Variants in ACACB observed in about 807,000 individuals in gnomAD.
ACACB encodes acetyl-CoA carboxylase beta.
Under a neutral mutation model 278.8 loss-of-function variants are expected in ACACB, and 209 were observed. The observed-to-expected ratio is 0.75, with a 90% CI of 0.67 to 0.84. The LOEUF is 0.84. Ranked by LOEUF, ACACB falls within the 40% of genes least tolerant of loss-of-function variation. The probability of loss-of-function intolerance (pLI) is 0.00; values close to 1 mark genes in which losing one functional copy is unlikely to be tolerated. For synonymous variants in ACACB, 1,174 were observed against 1,285.6 expected, an observed-to-expected ratio of 0.91 and a Z score of 1.86; for missense variants, 2,850 against 3,269.0, an observed-to-expected ratio of 0.87 and a Z score of 3.13.
At chr12:109,179,415 T>C in intron 10 of ACACB, 118 bp downstream of exon 10, 1 of 1,037,604 alleles carries the variant, frequency 9.6e-7, no homozygotes, top group Non-Finnish European at 1.4e-6. Flanking sequence ...ACAAGAGGGA[T>C]GAGGGCCCAT....
chr12:109,131,175 A>G (rs1286385952), intron 1 of ACACB, among the ~76,000 whole-genome samples: 6 of 152,230 alleles, frequency 3.9e-5, no homozygotes, highest in Non-Finnish European at 8.8e-5. Flanking sequence ...GGTCAGGAGA[A>G]GGCTGAGTGA....
chr12:109,207,256 C>A (rs2045550201), intron 20 of ACACB, among the ~76,000 whole-genome samples: 1 of 152,072 alleles, frequency 6.6e-6, no homozygotes, highest in Non-Finnish European at 1.5e-5. Context: ...GCACCCAGCC[C>A]CTCGGTTGTG....
intron 47 of ACACB, among the ~76,000 whole-genome samples, chr12:109,259,389 T>TA (rs1224254581): frequency 2.6e-5 from 4 of 151,848 alleles, no homozygotes; most frequent in Non-Finnish European, 5.9e-5. Context: ...CCTGGGGCAG[T>TA]ATAGCAAGAC....
chr12:109,188,304 C>T (rs2044742934), intron 13 of ACACB, 142 bp downstream of exon 13: 1 of 898,890 alleles, frequency 1.1e-6, no homozygotes, highest in African/African-American at 1.7e-5. Context: ...CCCTCTCAGC[C>T]TTTCTCCTTT....
At chr12:109,175,355 T>G (rs925432631) in intron 7 of ACACB, among the ~76,000 whole-genome samples, 2 of 152,184 alleles carry the variant, frequency 1.3e-5, no homozygotes, top group African/African-American at 2.4e-5. Flanking sequence ...AATTGGGATT[T>G]TTTTTTGGAT....
intron 18 of ACACB, among the ~76,000 whole-genome samples, chr12:109,200,928 C>T (rs895457109): frequency 1.3e-5 from 2 of 152,116 alleles, no homozygotes; most frequent in Non-Finnish European, 2.9e-5. Flanking sequence ...GGAGGGGAGC[C>T]ACTTCTGAAG....
intron 11 of ACACB, among the ~76,000 whole-genome samples, chr12:109,185,347 A>AT (rs2044617265): frequency 6.6e-6 from 1 of 152,088 alleles, no homozygotes; most frequent in African/African-American, 2.4e-5. Context: ...TTTCATAAAT[A>AT]TTTTTCCTTT....
In ACACB at chr12:109,262,953, TA is replaced by T. The variant is rs1565985726; in HGVS notation, c.6787+485del. On this transcript the variant is annotated intron_variant, in intron 49 of 52. Transcript: ENST00000338432. ...TTCTAAATCAACCTTTTTAACATTA[TA>T]TATATATATATATATATATATATAT... The T allele has an allele frequency of 2.2e-4, 20 of 91,678 alleles. 1 individual carries two copies. Among genetic ancestry groups the T allele is most frequent in the Middle Eastern group, 4.2e-3 (1 of 240 alleles). The allele number at this position is 91,678 out of a possible 1,614,324, so 5.7% of individuals were successfully genotyped here.
rs776583966 is a variant in ACACB at position 109,265,538 on chromosome 12, C to T, written c.7250+13C>T. The T allele has an allele frequency of 4.3e-6, 7 of 1,611,900 alleles. No homozygotes were observed. The highest frequency in any genetic ancestry group is 1.1e-5 in the South Asian group (1 of 90,942). On this transcript the variant is annotated intron_variant, in intron 52 of 52. Transcript: ENST00000338432. ...AGACCATCCGAGGGTGAGTGGCCACCGCACCTGCTTCCCAGCCTCCTGGCA... is the reference window on the plus strand; with the variant it reads ...AGACCATCCGAGGGTGAGTGGCCACTGCACCTGCTTCCCAGCCTCCTGGCA...
chr12:109,199,840 C>T (rs7314964), intron 18 of ACACB, among the ~76,000 whole-genome samples: 67,462 of 151,658 alleles, frequency 0.44, 16,253 homozygotes, highest in Middle Eastern at 0.65. Context: ...GGTGAAACCC[C>T]GTCTCTACTA....
rs774738657 is a variant in ACACB, at chr12:109,199,450, C to T, written c.2676C>T (p.Asn892=). The change falls in exon 18 of 53, where the codon AAC becomes AAT. Residue 892 remains asparagine, a synonymous_variant. Transcript: ENST00000338432. The part of the protein sequence containing the change: ...GNKTCVFEKE[N]DPTVLRSPSA... ...AGACGTGTGTGTTTGAGAAGGAGAA[C>T]GATCCTACAGTCCTGAGATCCCCCT... 13 of 1,547,428 alleles carry T rather than the reference C, an allele frequency of 8.4e-6. No homozygotes were observed. The highest frequency in any genetic ancestry group is 2.5e-5 in the East Asian group (1 of 39,844).
chr12:109,246,903 T>C (rs1192539743), intron 39 of ACACB, among the ~76,000 whole-genome samples: 3 of 152,092 alleles, frequency 2.0e-5, no homozygotes, highest in Non-Finnish European at 4.4e-5. Context: ...ATAGCCAGAC[T>C]TCGTCTCTAC....
intron 19 of ACACB, among the ~76,000 whole-genome samples, chr12:109,205,758 C>A (rs2045484964): frequency 6.6e-6 from 1 of 151,434 alleles, no homozygotes; most frequent in Non-Finnish European, 1.5e-5. Flanking sequence ...CCGGCCAAGT[C>A]ATCTCTTAAA....
chr12:109,211,767 C>T (rs1296153212), intron 21 of ACACB, among the ~76,000 whole-genome samples: 1 of 152,082 alleles, frequency 6.6e-6, no homozygotes, highest in Non-Finnish European at 1.5e-5. Flanking sequence ...TGAATGTACA[C>T]TTTAAAGGGA....
chr12:109,247,665 C>G lies in ACACB; in HGVS notation c.5631C>G (p.Ser1877=). The change falls in exon 40 of 53, where the codon TCC becomes TCG. Residue 1877 remains serine, a synonymous_variant. Coordinates refer to ENST00000338432, the MANE Select transcript of ACACB (RefSeq NM_001093.4). ...QDYTRISSLN[S]VHCKHIEEGG... ...ACACCAGAATCAGCTCCCTGAACTCCGTCCACTGTAAACACATCGAGGAAG... is the reference window on the plus strand; with the variant it reads ...ACACCAGAATCAGCTCCCTGAACTCGGTCCACTGTAAACACATCGAGGAAG... 1.2e-6 allele frequency: 2 copies of G among 1,613,896 alleles called. No individual in the cohort carries two copies. Among genetic ancestry groups the G allele is most frequent in the South Asian group, 1.1e-5 (1 of 91,084 alleles).
At chr12:109,216,552 A>T (rs1221076027) in intron 22 of ACACB, 66 bp from the exon 23 acceptor site, 1 of 1,498,178 alleles carries the variant, frequency 6.7e-7, no homozygotes, top group Non-Finnish European at 9.2e-7. Context: ...CATAAAAAAA[A>T]ATACTAAATA....
intron 9 of ACACB, among the ~76,000 whole-genome samples, chr12:109,177,453 C>T (rs2044316020): frequency 6.6e-6 from 1 of 152,148 alleles, no homozygotes; most frequent in African/African-American, 2.4e-5. Flanking sequence ...CATATCAGTA[C>T]ATTGCTTTCT....
At chr12:109,189,125 G>A (rs976828772) in intron 13 of ACACB, among the ~76,000 whole-genome samples, 1 of 152,192 alleles carries the variant, frequency 6.6e-6, no homozygotes, top group Non-Finnish European at 1.5e-5. Context: ...TGACATGGGT[G>A]TGGAAAGGTA....
intron 22 of ACACB, 71 bp downstream of exon 22, chr12:109,213,007 C>G: frequency 7.2e-7 from 1 of 1,380,744 alleles, no homozygotes; most frequent in Non-Finnish European, 1.0e-6. Flanking sequence ...CAGGGTGGTG[C>G]TCTGGGGCTG....
Sources: gnomAD v4.1 joint callset for allele counts (sites outside exome capture counted in the v4.1 genomes callset) on GRCh38, gnomAD v4.1.1 for gene constraint, MANE v1.5 for transcripts, NCBI Gene and HGNC (gene_info 2026-07-23, HGNC 2026-07-21) for gene names.